The following PLCXD2 variants were observed in gnomAD, a reference collection of about 807,000 sequenced individuals.
PLCXD2 encodes PI-PLC X domain-containing protein 2.
In PLCXD2, 21 loss-of-function variants were observed where a neutral mutation model predicts 28.6. The ratio of observed to expected loss-of-function variants is 0.73; its 90% confidence interval spans 0.52 to 1.06. The LOEUF (loss-of-function observed/expected upper bound fraction) is 1.06, where lower values mean the gene tolerates loss of function less well. Among genes scored for constraint, PLCXD2 ranks in the 50% least tolerant of loss-of-function variants. The pLI, the probability that PLCXD2 is intolerant of heterozygous loss-of-function variation, is 0.00. For missense variants in PLCXD2, 369 were observed against 376.7 expected (o/e 0.98, Z 0.17); for synonymous variants, 140 against 150.1 (o/e 0.93, Z 0.49).
chr3:111,697,641 A>G (rs1362926244), intron 1 of PLCXD2, among the ~76,000 whole-genome samples: 2 of 152,150 alleles, frequency 1.3e-5, no homozygotes, highest in Non-Finnish European at 2.9e-5. Context: ...GGAAGACATT[A>G]CTGTTTTTTC....
At chr3:111,716,121 G>A (rs1318101574) in intron 3 of PLCXD2, among the ~76,000 whole-genome samples, 3 of 152,080 alleles carry the variant, frequency 2.0e-5, no homozygotes, top group Non-Finnish European at 4.4e-5. Context: ...TTGGCATCTC[G>A]CCCCCCTGCC....
intron 1 of PLCXD2, among the ~76,000 whole-genome samples, chr3:111,707,341 T>C (rs1433737918): frequency 2.0e-5 from 3 of 152,136 alleles, no homozygotes; most frequent in Non-Finnish European, 4.4e-5. Context: ...AGAAAGCAAG[T>C]TTAGTTTCTT....
chr3:111,726,372 T>A (rs1270488184), intron 3 of PLCXD2: 1 of 152,448 alleles, frequency 6.6e-6, no homozygotes, highest in African/African-American at 2.4e-5. Context: ...TCTTTGTGTG[T>A]ATATGCCAAC....
chr3:111,709,862 T>C (rs769146386), intron 2 of PLCXD2, among the ~76,000 whole-genome samples: 1 of 151,884 alleles, frequency 6.6e-6, no homozygotes, highest in Non-Finnish European at 1.5e-5. Context: ...GCGAGGAGAG[T>C]TCTGGCACAG....
chr3:111,677,309 G>T (rs1238020466), intron 1 of PLCXD2: 2 of 152,156 alleles, frequency 1.3e-5, no homozygotes, highest in Non-Finnish European at 2.9e-5. Flanking sequence ...CCCCCTACTA[G>T]TTCTCTTTCC....
At chr3:111,711,876 A>AT (rs1453801136) in intron 2 of PLCXD2, among the ~76,000 whole-genome samples, 1 of 152,236 alleles carries the variant, frequency 6.6e-6, no homozygotes, top group African/African-American at 2.4e-5. Context: ...TTAAGTCTAT[A>AT]TCCCAGAGGC....
intron 1 of PLCXD2, among the ~76,000 whole-genome samples, chr3:111,678,843 A>G (rs1319371713): frequency 6.6e-6 from 1 of 152,166 alleles, no homozygotes; most frequent in Admixed American, 6.5e-5. Flanking sequence ...TGATTGGGTC[A>G]TTTTAGGTCT....
At chr3:111,700,812 A>G (rs1400591386) in intron 1 of PLCXD2, among the ~76,000 whole-genome samples, 1 of 151,914 alleles carries the variant, frequency 6.6e-6, no homozygotes, top group Non-Finnish European at 1.5e-5. Context: ...AGTAAAGCCA[A>G]TGCTGTGGGC....
chr3:111,694,454 A>G (rs570106878), intron 1 of PLCXD2, among the ~76,000 whole-genome samples: 3 of 151,396 alleles, frequency 2.0e-5, no homozygotes, highest in East Asian at 3.9e-4. Context: ...AGAGTTTACT[A>G]TGTGCATTGA....
At chr3:111,678,516 A>G (rs1156712038) in intron 1 of PLCXD2, among the ~76,000 whole-genome samples, 1 of 152,188 alleles carries the variant, frequency 6.6e-6, no homozygotes, top group Non-Finnish European at 1.5e-5. Context: ...TTCTCTGTAC[A>G]TTTTAATGCT....
intron 1 of PLCXD2, among the ~76,000 whole-genome samples, chr3:111,692,732 TTCAAC>T (rs1365413146): frequency 1.3e-5 from 2 of 152,232 alleles, no homozygotes; most frequent in African/African-American, 4.8e-5. Flanking sequence ...GTTAACTTCC[TTCAAC>T]TCTTCATGAA....
intron 1 of PLCXD2, among the ~76,000 whole-genome samples, chr3:111,686,747 A>G (rs1940801424): frequency 6.6e-6 from 1 of 152,240 alleles, no homozygotes; most frequent in African/African-American, 2.4e-5. Flanking sequence ...TTATTAGAAT[A>G]TAATTTATGC....
intron 2 of PLCXD2, among the ~76,000 whole-genome samples, chr3:111,712,515 A>G (rs1184137541): frequency 2.0e-5 from 3 of 152,214 alleles, no homozygotes; most frequent in African/African-American, 7.2e-5. Context: ...CCGGTTTACC[A>G]CAGACGTCAT....
intron 3 of PLCXD2, among the ~76,000 whole-genome samples, chr3:111,716,086 C>T (rs1046479253): frequency 1.3e-5 from 2 of 152,218 alleles, no homozygotes; most frequent in Non-Finnish European, 2.9e-5. Flanking sequence ...AAGCCAATGT[C>T]CCCAAGCTTG....
At chr3:111,697,877 T>G (rs1305009238) in intron 1 of PLCXD2, among the ~76,000 whole-genome samples, 3 of 152,146 alleles carry the variant, frequency 2.0e-5, no homozygotes, top group Non-Finnish European at 4.4e-5. Context: ...AGGAGCAGAC[T>G]AGAGATATTA....
intron 3 of PLCXD2, chr3:111,726,157 A>G (rs1941412718): frequency 3.1e-6 from 1 of 323,434 alleles, no homozygotes; most frequent in Admixed American, 4.9e-5. Flanking sequence ...TGAAAAGTCA[A>G]ATAGGCCTTT....
At chr3:111,720,691 ACT>A (rs1327239017) in intron 3 of PLCXD2, 30 bp from the exon 4 acceptor site, 2 of 416,446 alleles carry the variant, frequency 4.8e-6, no homozygotes, top group African/African-American at 4.1e-5. Flanking sequence ...TACTGTATCC[ACT>A]CTCTTCCTCC....
At chr3:111,703,225 A>T (rs759103880) in intron 1 of PLCXD2, among the ~76,000 whole-genome samples, 3 of 152,094 alleles carry the variant, frequency 2.0e-5, no homozygotes, top group Non-Finnish European at 4.4e-5. Context: ...GGATGCAGGG[A>T]TGGTGCTGGG....
Position 111,708,324 on chromosome 3 carries a change from C to G in PLCXD2, c.562C>G (p.Leu188Val). The G allele has an allele frequency of 6.2e-7, 1 of 1,614,162 alleles. No individual in the cohort carries two copies. The highest frequency in any genetic ancestry group is 8.5e-7 in the Non-Finnish European group (1 of 1,180,026). ...GATCCAGGAGGCCTTTGGAAACAAGCTGTGCCCAGCCTGCAGTGTGGAAAG... is the reference window on the plus strand; with the variant it reads ...GATCCAGGAGGCCTTTGGAAACAAGGTGTGCCCAGCCTGCAGTGTGGAAAG... Residue 188 changes from leucine to valine, a missense_variant, in exon 2 of 5, where the codon CTG becomes GTG. Coordinates refer to ENST00000477665, the MANE Select transcript of PLCXD2 (RefSeq NM_001185106.1).
Sources: gnomAD v4.1 joint callset for allele counts (sites outside exome capture counted in the v4.1 genomes callset) on GRCh38, gnomAD v4.1.1 for gene constraint, MANE v1.5 for transcripts, NCBI Gene and HGNC (gene_info 2026-07-23, HGNC 2026-07-21) for gene names.